ELMO1: variants seen among roughly 807,000 people sequenced by gnomAD.
ELMO1 encodes engulfment and cell motility protein 1.
Under a neutral mutation model 98.9 loss-of-function variants are expected in ELMO1, and 26 were observed. That is an observed-to-expected ratio of 0.26 (90% CI 0.19 to 0.36). ELMO1 has a LOEUF of 0.36. Among genes scored for constraint, ELMO1 ranks in the 10% least tolerant of loss-of-function variants. ELMO1 has a pLI of 1.00. For synonymous variants in ELMO1, 346 were observed against 346.0 expected, an observed-to-expected ratio of 1.00 and a Z score of 0.00; for missense variants, 627 against 935.2, an observed-to-expected ratio of 0.67 and a Z score of 4.30.
rs34913326 is a variant in ELMO1, at chr7:37,082,719, TCAAA to T, written c.1300+13896_1300+13899del. On this transcript the variant is annotated intron_variant, in intron 15 of 21. Coordinates refer to ENST00000310758, the MANE Select transcript of ELMO1 (RefSeq NM_014800.11). Reference sequence around the variant, plus strand: ...GCACTCCAGCCCGGGTGACCCTGTCTCAAACAAACAAACAAACAAACAAACAAAC... The same window carrying T: ...GCACTCCAGCCCGGGTGACCCTGTCTCAAACAAACAAACAAACAAACAAAC... 7.1e-3 allele frequency among the ~76,000 whole-genome samples: 1,070 copies of T among 151,192 alleles called. 6 individuals are homozygous for T. The highest frequency in any genetic ancestry group is 0.021 in the African/African-American group (854 of 41,000).
At chr7:36,991,438 A>T (rs1384551160) in intron 16 of ELMO1, among the ~76,000 whole-genome samples, 1 of 152,212 alleles carries the variant, frequency 6.6e-6, no homozygotes, top group Non-Finnish European at 1.5e-5. Flanking sequence ...ACTTTATTTC[A>T]TTCAAGAGAC....
intron 4 of ELMO1, among the ~76,000 whole-genome samples, chr7:37,291,248 A>G (rs1263487176): frequency 1.3e-5 from 2 of 152,230 alleles, no homozygotes; most frequent in Non-Finnish European, 2.9e-5. Flanking sequence ...GAAAATCAAA[A>G]CTTTCTAACT....
At chr7:37,277,594 A>G (rs12534004) in intron 4 of ELMO1, among the ~76,000 whole-genome samples, 12,466 of 152,224 alleles carry the variant, frequency 0.082, 705 homozygotes, top group African/African-American at 0.15. Context: ...GTTAGCAAAC[A>G]TGTCATCTCT....
chr7:37,350,879 G>A (rs1041104015), intron 1 of ELMO1, among the ~76,000 whole-genome samples: 2 of 152,206 alleles, frequency 1.3e-5, no homozygotes, highest in Non-Finnish European at 2.9e-5. Flanking sequence ...ACAGGGAGAA[G>A]ACAGCCATCT....
chr7:37,244,224 C>A, intron 7 of ELMO1, 132 bp downstream of exon 7: 3 of 971,438 alleles, frequency 3.1e-6, no homozygotes, highest in South Asian at 2.1e-5. Context: ...AAATAGAAAA[C>A]AAAAATAACA....
intron 2 of ELMO1, among the ~76,000 whole-genome samples, chr7:37,317,055 A>G (rs1583532236): frequency 6.6e-6 from 1 of 152,200 alleles, no homozygotes; most frequent in African/African-American, 2.4e-5. Context: ...TAAAAATTAA[A>G]TTATATTAAT....
At chr7:37,262,433 CAA>C (rs757662022) in intron 5 of ELMO1, among the ~76,000 whole-genome samples, 15 of 152,134 alleles carry the variant, frequency 9.9e-5, no homozygotes, top group Admixed American at 3.3e-4. Flanking sequence ...TGTCAAACTA[CAA>C]AAAAGCTCAT....
At chr7:37,115,091 A>C (rs1246393215) in intron 14 of ELMO1, among the ~76,000 whole-genome samples, 1 of 152,230 alleles carries the variant, frequency 6.6e-6, no homozygotes, top group Non-Finnish European at 1.5e-5. Flanking sequence ...CTATTAAAGG[A>C]ATTGAATAAA....
intron 1 of ELMO1, 96 bp downstream of exon 1, chr7:37,448,579 A>T (rs1161831283): frequency 1.3e-5 from 2 of 151,596 alleles, no homozygotes. Flanking sequence ...CCCCCGGAGC[A>T]GGACGCCTCC....
chr7:36,985,608 G>T (rs1459795585), intron 16 of ELMO1, among the ~76,000 whole-genome samples: 1 of 152,162 alleles, frequency 6.6e-6, no homozygotes, highest in Non-Finnish European at 1.5e-5. Flanking sequence ...TATTATTAAT[G>T]TAGCTTTAAA....
intron 16 of ELMO1, among the ~76,000 whole-genome samples, chr7:37,011,455 C>T (rs958222047): frequency 2.1e-4 from 32 of 152,236 alleles, no homozygotes; most frequent in African/African-American, 7.5e-4. Flanking sequence ...GAATGCTCAT[C>T]CCCAGAGTCA....
At chr7:37,172,873 T>C (rs1790264607) in intron 13 of ELMO1, among the ~76,000 whole-genome samples, 1 of 152,238 alleles carries the variant, frequency 6.6e-6, no homozygotes, top group South Asian at 2.1e-4. Flanking sequence ...CTATTTTCAT[T>C]GAGTCCAAAT....
At chr7:37,163,065 C>A (rs938269677) in intron 13 of ELMO1, among the ~76,000 whole-genome samples, 3 of 152,162 alleles carry the variant, frequency 2.0e-5, no homozygotes, top group Non-Finnish European at 2.9e-5. Flanking sequence ...TTTTTCTTAA[C>A]CCATTGGCTA....
Position 36,887,573 on chromosome 7 carries a change from G to A in ELMO1, c.1701C>T (p.Ala567=). ...CAGAAACAATACCTTGCCTCCGCCG[G>A]GCATTGAGTTTCCTAAAGCAGGTCC... ...VEGTCFRKLN[A]RRRQDKFWYC... Residue 567 remains alanine (A), a synonymous_variant, in exon 18 of 22, where the codon GCC becomes GCT. Coordinates refer to ENST00000310758, the MANE Select transcript of ELMO1 (RefSeq NM_014800.11). The A allele has an allele frequency of 2.5e-6, 4 of 1,614,028 alleles. No individual in the cohort carries two copies. The highest frequency in any genetic ancestry group is 3.4e-6 in the Non-Finnish European group (4 of 1,179,934).
At chr7:37,241,139 A>T (rs1794745963) in intron 7 of ELMO1, among the ~76,000 whole-genome samples, 1 of 151,994 alleles carries the variant, frequency 6.6e-6, no homozygotes, top group African/African-American at 2.4e-5. Context: ...ACTTTATTAT[A>T]CACATGTATA....
At chr7:37,384,637 G>A (rs10279209) in intron 1 of ELMO1, among the ~76,000 whole-genome samples, 36,475 of 151,702 alleles carry the variant, frequency 0.24, 5,609 homozygotes, top group East Asian at 0.43. Flanking sequence ...GGAGAGTGGC[G>A]TGAACCCGGG....
intron 4 of ELMO1, among the ~76,000 whole-genome samples, chr7:37,292,568 G>C (rs112583659): frequency 2.3e-5 from 2 of 87,414 alleles, no homozygotes; most frequent in Non-Finnish European, 2.8e-5. Flanking sequence ...GCCGCCCATC[G>C]TCTGAGATGT....
chr7:37,131,338 C>G (rs1219537471), intron 14 of ELMO1, among the ~76,000 whole-genome samples: 1 of 152,116 alleles, frequency 6.6e-6, no homozygotes, highest in Admixed American at 6.6e-5. Flanking sequence ...TAGGTTTTTT[C>G]TTTTAAGTCC....
At position 36,900,183 on chromosome 7, in the gene ELMO1, A is replaced by T. The variant is rs1456246050; in HGVS notation, c.1438-5166T>A. Among the ~76,000 whole-genome samples, 5 of 152,308 alleles carry T rather than the reference A, an allele frequency of 3.3e-5. No homozygotes were observed. In the East Asian group the frequency reaches 7.7e-4, roughly 24 times the overall value. On this transcript the variant is annotated intron_variant, in intron 16 of 21. Transcript: ENST00000310758. ...GCATGCTCAAGTATGAGAACCACCG[A>T]TTTCAGCAAATATCCAGCACCCCTT...
Sources: allele counts gnomAD v4.1 joint callset (sites outside exome capture counted in the v4.1 genomes callset), GRCh38; gene constraint gnomAD v4.1.1; transcripts MANE v1.5; gene names NCBI Gene and HGNC (gene_info 2026-07-23, HGNC 2026-07-21).